Variants in PAICS observed in about 807,000 individuals in gnomAD.
The protein encoded by PAICS is phosphoribosylaminoimidazole carboxylase and phosphoribosylaminoimidazolesuccinocarboxamide synthase.
In PAICS, 33 loss-of-function variants were observed where a neutral mutation model predicts 53.7. The ratio of observed to expected loss-of-function variants is 0.61; its 90% CI spans 0.47 to 0.82. PAICS has a LOEUF of 0.82. PAICS is among the 40% of genes least tolerant of loss of function. The pLI, the probability that PAICS is intolerant of heterozygous loss-of-function variation, is 0.00. For synonymous variants in PAICS, 141 were observed against 167.2 expected (o/e 0.84, Z 1.21); for missense variants, 394 against 494.1 (o/e 0.80, Z 1.92).
chr4:56,446,219 C>T, intron 2 of PAICS: 1 of 577,718 alleles, frequency 1.7e-6, no homozygotes, highest in Middle Eastern at 2.7e-4. Flanking sequence ...CAATGTTGTA[C>T]ATTCATCCCA....
chr4:56,447,660 C>A (rs1438103913), intron 3 of PAICS, among the ~76,000 whole-genome samples: 1 of 152,132 alleles, frequency 6.6e-6, no homozygotes, highest in African/African-American at 2.4e-5. Context: ...ACAAAAATCA[C>A]AAACTTAAAT....
At chr4:56,435,989 C>T, upstream of PAICS, 2 of 1,525,818 alleles carry the variant, frequency 1.3e-6, no homozygotes, top group Non-Finnish European at 1.8e-6. Flanking sequence ...TGCGAGCTTC[C>T]GCAGAGTGGG....
chr4:56,443,823 G>C (rs533365272), intron 2 of PAICS, among the ~76,000 whole-genome samples: 68 of 152,302 alleles, frequency 4.5e-4, no homozygotes, highest in African/African-American at 1.6e-3. Context: ...CAGGGGAACA[G>C]GGAAGGATGG....
rs758414050 is a variant in PAICS at position 56,451,921 on chromosome 4, C to G, written c.821C>G (p.Ser274Cys). The G allele has an allele frequency of 4.4e-6, 7 of 1,606,958 alleles. No homozygotes were observed. In the South Asian group the frequency reaches 4.4e-5, roughly 10 times the overall value. The change falls in exon 7 of 9, where the codon TCT becomes TGT. Residue 274 changes from serine to cysteine, a missense_variant. Ser to Cys is a moderately radical substitution (Grantham distance 112, BLOSUM62 -1). Around this residue, in one of 3 missense-constraint regions of PAICS, gnomAD observed 131 missense variants for 205.5 expected, o/e 0.64. Transcript: ENST00000512576. ...SQCRVVVLMG[S>C]TSDLGHCEKI... The stretch of plus-strand genomic sequence containing the variant: ...TGCAGGGTTGTAGTGTTGATGGGCT[C>G]TACTTCTGATCTTGGTCACTGTGAA...
chr4:56,434,761 C>G (rs1717804193), upstream of PAICS, among the ~76,000 whole-genome samples: 1 of 152,176 alleles, frequency 6.6e-6, no homozygotes, highest in Non-Finnish European at 1.5e-5. Context: ...GATCTACTAC[C>G]AGTAGTCATT....
chr4:56,423,972 T>C, the PAICS span, among the ~76,000 whole-genome samples: 1 of 152,186 alleles, frequency 6.6e-6, no homozygotes. Context: ...TTATTTATCT[T>C]CAGGGAAAAA....
upstream of PAICS, among the ~76,000 whole-genome samples, chr4:56,432,997 T>TGA (rs1560652377): frequency 6.7e-6 from 1 of 148,436 alleles, no homozygotes. Context: ...CACACGTATT[T>TGA]TATATATATA....
At chr4:56,456,976 G>A (rs1719244401) in intron 8 of PAICS, among the ~76,000 whole-genome samples, 1 of 152,122 alleles carries the variant, frequency 6.6e-6, no homozygotes, top group Admixed American at 6.5e-5. Flanking sequence ...GCTTCACTGT[G>A]GGGTGTATCT....
chr4:56,413,614 G>T, the PAICS span, among the ~76,000 whole-genome samples: 1 of 152,132 alleles, frequency 6.6e-6, no homozygotes, highest in Admixed American at 6.5e-5. Flanking sequence ...TAATGATTTA[G>T]GCCAGGCATG....
chr4:56,463,412 G>A lies in PAICS; in HGVS notation c.*3874G>A, dbSNP rs1719580744. On this transcript the variant is annotated 3_prime_UTR_variant, in exon 9 of 9. Coordinates refer to ENST00000512576, the MANE Select transcript of PAICS (RefSeq NM_001079524.2). ...AGATACCATAAGATACTGTACATGAGGCTGGGTGCAGTGGCTCACGCCTGT... is the reference window on the plus strand; with the variant it reads ...AGATACCATAAGATACTGTACATGAAGCTGGGTGCAGTGGCTCACGCCTGT... 1 of 151,426 alleles carries A rather than the reference G, an allele frequency of 6.6e-6. No individual in the cohort carries two copies. The highest frequency in any genetic ancestry group is 1.5e-5 in the Non-Finnish European group (1 of 68,020). 9.4% of individuals were successfully genotyped at this position (151,426 alleles called of 1,614,324 possible). A position where few individuals can be genotyped will look rare whatever the true frequency, so the allele number is the denominator to read the frequency against.
the PAICS span, chr4:56,416,377 TA>T: frequency 1.1e-6 from 1 of 896,926 alleles, no homozygotes; most frequent in Non-Finnish European, 1.3e-6. Context: ...CATCAGTAGA[TA>T]AGGAAGATGT....
upstream of PAICS, chr4:56,436,019 C>T: frequency 6.6e-7 from 1 of 1,523,068 alleles, no homozygotes. Flanking sequence ...CCAGTGCGCG[C>T]CACTTTTCGC....
At chr4:56,456,009 C>T (rs1461477193) in intron 8 of PAICS, among the ~76,000 whole-genome samples, 8 of 152,062 alleles carry the variant, frequency 5.3e-5, no homozygotes, top group Admixed American at 5.2e-4. Context: ...TTGGGCTTCC[C>T]TTGATTTCTA....
chr4:56,447,006 G>T, intron 3 of PAICS, 133 bp downstream of exon 3: 1 of 473,986 alleles, frequency 2.1e-6, no homozygotes. Context: ...TCCAAAATTT[G>T]TCTTATCTAG....
At chr4:56,414,551 C>CT in the PAICS span, among the ~76,000 whole-genome samples, 1 of 152,174 alleles carries the variant, frequency 6.6e-6, no homozygotes, top group Non-Finnish European at 1.5e-5. Context: ...TGATTTAAGA[C>CT]TTTCACTTTA....
chr4:56,446,661 A>C, intron 2 of PAICS, 34 bp from the exon 3 acceptor site: 1 of 1,366,178 alleles, frequency 7.3e-7, no homozygotes, highest in Non-Finnish European at 1.0e-6. Context: ...ATATCATTTC[A>C]ATACCTTTTT....
the PAICS span, among the ~76,000 whole-genome samples, chr4:56,425,837 C>T: frequency 6.6e-6 from 1 of 152,194 alleles, no homozygotes; most frequent in African/African-American, 2.4e-5. Flanking sequence ...ATCATAAAAA[C>T]TCTGGCTTAG....
intron 5 of PAICS, 33 bp from the exon 6 acceptor site, chr4:56,450,586 C>A (rs2110091979): frequency 1.7e-6 from 2 of 1,165,022 alleles, no homozygotes; most frequent in South Asian, 2.6e-5. Flanking sequence ...GCAAGAGATA[C>A]TTGTTTTCTA....
At chr4:56,452,136 A>G (rs1261243891) in intron 7 of PAICS, 84 bp downstream of exon 7, 1 of 886,204 alleles carries the variant, frequency 1.1e-6, no homozygotes, top group Non-Finnish European at 1.7e-6. Context: ...AATGCTGAAA[A>G]AAGAGCTTTG....
Sources: allele counts gnomAD v4.1 joint callset (sites outside exome capture counted in the v4.1 genomes callset), GRCh38; gene constraint gnomAD v4.1.1; regional missense constraint gnomAD v4.1.1; transcripts MANE v1.5; gene names NCBI Gene and HGNC (gene_info 2026-07-23, HGNC 2026-07-21).